Variants in EFCAB9 observed in about 807,000 individuals in gnomAD.
EFCAB9 encodes the protein EF-hand calcium-binding domain-containing protein 9.
EFCAB9 carries 16 observed loss-of-function variants against 15.6 expected under a neutral mutation model. The observed-to-expected ratio is 1.03, with a 90% CI of 0.69 to 1.56. The LOEUF is 1.56. EFCAB9 is among the 40% of genes most tolerant of loss of function. The probability of loss-of-function intolerance (pLI) is 0.00; values close to 1 mark genes in which losing one functional copy is unlikely to be tolerated. For missense variants in EFCAB9, 208 were observed against 235.4 expected, an observed-to-expected ratio of 0.88 and a Z score of 0.76; for synonymous variants, 76 against 85.4, an observed-to-expected ratio of 0.89 and a Z score of 0.61.
At chr5:172,199,331 A>G (rs1771216880) in intron 1 of EFCAB9, 52 bp from the exon 2 acceptor site, 3 of 1,520,872 alleles carry the variant, frequency 2.0e-6, no homozygotes, top group Non-Finnish European at 2.6e-6. Context: ...GCTGTTTAGC[A>G]TTTTGGAACT....
intron 1 of EFCAB9, among the ~76,000 whole-genome samples, chr5:172,194,946 G>A (rs1771134423): frequency 6.6e-6 from 1 of 151,898 alleles, no homozygotes; most frequent in Non-Finnish European, 1.5e-5. Flanking sequence ...AAGATAATGA[G>A]AGTATGGCAA....
intron 1 of EFCAB9, among the ~76,000 whole-genome samples, chr5:172,196,865 G>A (rs924404072): frequency 6.6e-6 from 1 of 151,800 alleles, no homozygotes; most frequent in African/African-American, 2.4e-5. Context: ...TGAGTGGCAG[G>A]CAAAAAACTT....
intron 1 of EFCAB9, among the ~76,000 whole-genome samples, chr5:172,199,138 G>A (rs1771211502): frequency 6.6e-6 from 1 of 151,828 alleles, no homozygotes; most frequent in African/African-American, 2.4e-5. Context: ...GGGGGCAGGA[G>A]CCAAGCCCTG....
intron 3 of EFCAB9, 37 bp downstream of exon 3, chr5:172,200,779 G>A: frequency 6.6e-7 from 1 of 1,510,956 alleles, no homozygotes. Context: ...GTGTGTGGCA[G>A]TCTCTTCCCA....
chr5:172,202,417 T>A (rs1386198999), intron 3 of EFCAB9, among the ~76,000 whole-genome samples: 2 of 149,910 alleles, frequency 1.3e-5, no homozygotes, highest in Non-Finnish European at 3.0e-5. Context: ...TGGAAGAAAG[T>A]GACCTTTGTG....
At chr5:172,199,317 T>C (rs1771216780) in intron 1 of EFCAB9, 66 bp from the exon 2 acceptor site, 1 of 1,498,452 alleles carries the variant, frequency 6.7e-7, no homozygotes, top group South Asian at 1.3e-5. Flanking sequence ...TTACATGGCT[T>C]CTAGCTGTTT....
intron 3 of EFCAB9, among the ~76,000 whole-genome samples, chr5:172,201,661 T>C (rs2113861713): frequency 6.6e-6 from 1 of 152,272 alleles, no homozygotes; most frequent in East Asian, 1.9e-4. Flanking sequence ...GGGGAAGAGT[T>C]TGTAGATTTG....
chr5:172,199,172 T>C (rs1771212054), intron 1 of EFCAB9, among the ~76,000 whole-genome samples: 1 of 152,136 alleles, frequency 6.6e-6, no homozygotes, highest in Non-Finnish European at 1.5e-5. Context: ...TCTCCACAAC[T>C]CCAGGTCCAG....
chr5:172,194,408 T>TC (rs1315692033), intron 1 of EFCAB9, 100 bp downstream of exon 1: 1 of 1,433,022 alleles, frequency 7.0e-7, no homozygotes, highest in African/African-American at 1.4e-5. Context: ...TAGTACATTT[T>TC]TTTTTTTTTG....
In EFCAB9 at chr5:172,203,289, G is replaced by C; in HGVS notation, c.538G>C (p.Glu180Gln). The C allele has an allele frequency of 6.5e-7, 1 of 1,536,468 alleles. No individual in the cohort carries two copies. The highest frequency in any genetic ancestry group is 2.4e-5 in the East Asian group (1 of 40,836). Reference protein sequence around the residue: ...DKLQKRQKTEEKEKGERKRSL... With the variant: ...DKLQKRQKTEQKEKGERKRSL... ...ATTACAGAAGAGGCAGAAAACAGAG[G>C]AGAAAGAAAAAGGAGAGAGAAAGAG... is the stretch of plus-strand genomic sequence containing the variant. Residue 180 changes from glutamate (E) to glutamine (Q), a missense_variant, in exon 4 of 4, where the codon GAG becomes CAG. Coordinates refer to ENST00000398186, the MANE Select transcript of EFCAB9 (RefSeq NM_001171183.2).
At chr5:172,200,119 A>G (rs1771232537) in intron 2 of EFCAB9, among the ~76,000 whole-genome samples, 1 of 151,762 alleles carries the variant, frequency 6.6e-6, no homozygotes, top group Non-Finnish European at 1.5e-5. Flanking sequence ...GGGTTTCACC[A>G]TGTTGGCCAG....
chr5:172,199,197 C>T (rs374556659), intron 1 of EFCAB9, among the ~76,000 whole-genome samples, 186 bp from the exon 2 acceptor site: 1 of 152,210 alleles, frequency 6.6e-6, no homozygotes, highest in Non-Finnish European at 1.5e-5. Flanking sequence ...TTTCCACAAG[C>T]TCAAGGGCGA....
chr5:172,203,092 A>G, intron 3 of EFCAB9, 122 bp from the exon 4 acceptor site: 1 of 975,798 alleles, frequency 1.0e-6, no homozygotes, highest in East Asian at 2.7e-5. Flanking sequence ...TTATGTCCCA[A>G]TTACTGAGTG....
chr5:172,199,611 T>C, intron 2 of EFCAB9, 80 bp downstream of exon 2: 1 of 1,485,858 alleles, frequency 6.7e-7, no homozygotes, highest in Non-Finnish European at 8.9e-7. Flanking sequence ...TTTCCTCCTT[T>C]CACTAAAAAG....
intron 1 of EFCAB9, among the ~76,000 whole-genome samples, chr5:172,195,507 T>C (rs1771146082): frequency 6.6e-6 from 1 of 152,252 alleles, no homozygotes; most frequent in African/African-American, 2.4e-5. Flanking sequence ...ATAAGGCAGC[T>C]GCAGGGGACC....
At chr5:172,198,033 C>T (rs967198948) in intron 1 of EFCAB9, among the ~76,000 whole-genome samples, 14 of 152,076 alleles carry the variant, frequency 9.2e-5, no homozygotes, top group Non-Finnish European at 1.5e-4. Context: ...AGTGCTGATT[C>T]GTGCATTTAC....
chr5:172,198,782 AT>A (rs1395710740), intron 1 of EFCAB9, among the ~76,000 whole-genome samples: 1 of 152,026 alleles, frequency 6.6e-6, no homozygotes, highest in Non-Finnish European at 1.5e-5. Flanking sequence ...CGCCTGGCTA[AT>A]TTTTGTATTT....
chr5:172,195,153 A>AAAATAAAT lies in EFCAB9; in HGVS notation c.136+869_136+876dup, dbSNP rs3028127. On this transcript the variant is annotated intron_variant, in intron 1 of 3. Coordinates refer to ENST00000398186, the MANE Select transcript of EFCAB9 (RefSeq NM_001171183.2). Reference sequence around the variant, plus strand: ...ACTTATTGGTACTTGTGAATGACCAAAAATAAATAAATAAATAAATAAATA... The same window carrying AAAATAAAT: ...ACTTATTGGTACTTGTGAATGACCAAAAATAAATAAATAAATAAATAAATAAATAAATA... Among the ~76,000 whole-genome samples the AAAATAAAT allele has an allele frequency of 9.0e-3, 1,302 of 145,066 alleles. 13 individuals are homozygous for AAAATAAAT. Among genetic ancestry groups the AAAATAAAT allele is most frequent in the East Asian group, 0.026 (129 of 5,050 alleles).
intron 2 of EFCAB9, 99 bp downstream of exon 2, chr5:172,199,630 A>G (rs1771223681): frequency 6.9e-7 from 1 of 1,447,034 alleles, no homozygotes; most frequent in Non-Finnish European, 9.2e-7. Flanking sequence ...AGAGGAAGAA[A>G]AGATGGGTGG....
Sources: gnomAD v4.1 joint callset for allele counts (sites outside exome capture counted in the v4.1 genomes callset) on GRCh38, gnomAD v4.1.1 for gene constraint, MANE v1.5 for transcripts, NCBI Gene and HGNC (gene_info 2026-07-23, HGNC 2026-07-21) for gene names.